Variants in SLC6A11 observed in about 807,000 individuals in gnomAD.
SLC6A11 encodes solute carrier family 6 member 11, also known as sodium- and chloride-dependent GABA transporter 3.
In SLC6A11, 25 loss-of-function variants were observed where a neutral mutation model predicts 74.8. The observed-to-expected ratio is 0.33, with a 90% CI of 0.24 to 0.47. The LOEUF (loss-of-function observed/expected upper bound fraction) is 0.47. SLC6A11 is among the 20% of genes least tolerant of loss of function. SLC6A11 has a pLI of 1.00. For missense variants in SLC6A11, 574 were observed against 837.0 expected, an observed-to-expected ratio of 0.69 and a Z score of 3.88; for synonymous variants, 330 against 330.2, an observed-to-expected ratio of 1.00 and a Z score of 0.01.
At chr3:10,845,566 A>G (rs1405144091) in intron 5 of SLC6A11, among the ~76,000 whole-genome samples, 1 of 152,178 alleles carries the variant, frequency 6.6e-6, no homozygotes, top group Non-Finnish European at 1.5e-5. Context: ...CTTTTCCAAA[A>G]GATGTTCCCC....
intron 6 of SLC6A11, among the ~76,000 whole-genome samples, chr3:10,905,434 CACTT>C (rs1188142618): frequency 2.6e-5 from 4 of 152,224 alleles, no homozygotes; most frequent in Admixed American, 2.6e-4. Flanking sequence ...AAAGGAAAAA[CACTT>C]AATATCACAA....
In SLC6A11 at chr3:10,816,346, C is replaced by T. The variant is rs765166222; in HGVS notation, c.81C>T (p.Gly27=). Residue 27 remains glycine, a synonymous_variant, in exon 1 of 14, where the codon GGC becomes GGT. Coordinates refer to ENST00000254488, the MANE Select transcript of SLC6A11 (RefSeq NM_014229.3). This position sits in a 1 kb window ranked among gnomAD's most constrained non-coding sequence, Gnocchi z 4.2. Reference sequence around the variant, plus strand: ...GGGAGTCCGAGGCGCCGGGTGGCGGCTGCAGCAGCGGGGGCGCGGCGCCCG... The same window carrying T: ...GGGAGTCCGAGGCGCCGGGTGGCGGTTGCAGCAGCGGGGGCGCGGCGCCCG... ...EARESEAPGG[G]CSSGGAAPAR... 137 of 1,441,304 alleles carry T rather than the reference C, an allele frequency of 9.5e-5. 1 individual carries two copies. The East Asian group carries it at 3.9e-3, about 41-fold the overall frequency. 89.3% of individuals were successfully genotyped at this position (1,441,304 alleles called of 1,614,324 possible).
At chr3:10,902,603 T>C (rs917781651) in intron 6 of SLC6A11, among the ~76,000 whole-genome samples, 3 of 152,240 alleles carry the variant, frequency 2.0e-5, no homozygotes, top group African/African-American at 7.2e-5. Context: ...AGAGGTGAAG[T>C]AATTTGCCCA....
At chr3:10,895,788 G>C (rs1246035457) in intron 6 of SLC6A11, among the ~76,000 whole-genome samples, 1 of 152,138 alleles carries the variant, frequency 6.6e-6, no homozygotes, top group Admixed American at 6.5e-5. Context: ...GCTTCTCAAA[G>C]GTCGAGAGAG....
At chr3:10,927,762 G>A (rs375186044) in intron 9 of SLC6A11, among the ~76,000 whole-genome samples, 8 of 152,204 alleles carry the variant, frequency 5.3e-5, no homozygotes, top group South Asian at 2.1e-4. Context: ...TAGTCACCTC[G>A]CCTCTCTGTG....
intron 4 of SLC6A11, among the ~76,000 whole-genome samples, chr3:10,828,114 A>G (rs1224991528): frequency 1.3e-5 from 2 of 152,198 alleles, no homozygotes; most frequent in African/African-American, 4.8e-5. Flanking sequence ...GTGGGATTGA[A>G]TGCTATTAAG....
At chr3:10,876,138 G>T (rs1694904787) in intron 6 of SLC6A11, among the ~76,000 whole-genome samples, 1 of 152,202 alleles carries the variant, frequency 6.6e-6, no homozygotes, top group Non-Finnish European at 1.5e-5. Context: ...GCTTGTGGGG[G>T]AAGCGTTTGT....
chr3:10,883,734 G>A (rs1325098616), intron 6 of SLC6A11, among the ~76,000 whole-genome samples: 1 of 152,078 alleles, frequency 6.6e-6, no homozygotes, highest in East Asian at 1.9e-4. Flanking sequence ...TCTAAGCAAG[G>A]ACCCAAAGAA....
intron 10 of SLC6A11, among the ~76,000 whole-genome samples, chr3:10,932,028 T>C (rs1224546862): frequency 6.8e-6 from 1 of 146,882 alleles, no homozygotes; most frequent in Non-Finnish European, 1.5e-5. Context: ...CCACCCCACC[T>C]GATCCTTCCT....
chr3:10,895,883 TA>T (rs993198848), intron 6 of SLC6A11, among the ~76,000 whole-genome samples: 1 of 151,958 alleles, frequency 6.6e-6, no homozygotes, highest in African/African-American at 2.4e-5. Context: ...GGCACACATT[TA>T]TTTTTTTAGG....
At chr3:10,870,432 G>GGTTCTGA (rs1307301530) in intron 5 of SLC6A11, among the ~76,000 whole-genome samples, 1 of 152,194 alleles carries the variant, frequency 6.6e-6, no homozygotes, top group Non-Finnish European at 1.5e-5. Context: ...CTGTGCGGAG[G>GGTTCTGA]GTTCTGAGGC....
At chr3:10,885,039 C>T (rs113090523) in intron 6 of SLC6A11, among the ~76,000 whole-genome samples, 76 of 152,308 alleles carry the variant, frequency 5.0e-4, no homozygotes, top group African/African-American at 1.7e-3. Context: ...CAAATCACCT[C>T]CAAGGTGGGC....
At chr3:10,936,135 GTGTT>G in intron 13 of SLC6A11, among the ~76,000 whole-genome samples, 1 of 152,332 alleles carries the variant, frequency 6.6e-6, no homozygotes, top group Non-Finnish European at 1.5e-5. Flanking sequence ...ACAGCACAGG[GTGTT>G]TGTTGTGTGC....
intron 5 of SLC6A11, among the ~76,000 whole-genome samples, chr3:10,857,544 T>C (rs1237508108): frequency 3.9e-5 from 6 of 152,180 alleles, no homozygotes; most frequent in Non-Finnish European, 7.3e-5. Flanking sequence ...GTGAGAACAC[T>C]GGAGCAGACG....
chr3:10,868,823 C>A (rs911430973), intron 5 of SLC6A11, among the ~76,000 whole-genome samples: 34 of 152,238 alleles, frequency 2.2e-4, no homozygotes, highest in African/African-American at 7.7e-4. Flanking sequence ...GAAAGGGACA[C>A]TTTGTTAGGA....
chr3:10,912,303 T>G (rs1483215910), intron 7 of SLC6A11, 110 bp downstream of exon 7: 5 of 752,652 alleles, frequency 6.6e-6, no homozygotes, highest in Non-Finnish European at 1.2e-5. Context: ...CAGGAGGAGA[T>G]AGATAGGCTG....
chr3:10,916,852 G>A (rs1695462945), intron 7 of SLC6A11, among the ~76,000 whole-genome samples: 1 of 152,176 alleles, frequency 6.6e-6, no homozygotes, highest in East Asian at 1.9e-4. Context: ...ATTGCAGGGA[G>A]AATTGGAACC....
rs1471672991 is a variant in SLC6A11 at position 10,938,984 on chromosome 3, C to T, written c.*582C>T. The T allele has an allele frequency of 6.6e-6, 1 of 152,274 alleles. No homozygotes were observed. The highest frequency in any genetic ancestry group is 1.5e-5 in the Non-Finnish European group (1 of 68,078). 9.4% of individuals were successfully genotyped at this position (152,274 alleles called of 1,614,324 possible). On this transcript the variant is annotated 3_prime_UTR_variant, in exon 14 of 14. Coordinates refer to ENST00000254488, the MANE Select transcript of SLC6A11 (RefSeq NM_014229.3). ...CTCTGCCCTGATCCCATGAAGTGAC[C>T]TTGGGCACTCCCTTTCCCTCCCTGG...
At chr3:10,927,898 G>C (rs1246086896) in intron 9 of SLC6A11, among the ~76,000 whole-genome samples, 1 of 152,222 alleles carries the variant, frequency 6.6e-6, no homozygotes, top group Non-Finnish European at 1.5e-5. Flanking sequence ...AAGGTGGCTG[G>C]CAAAATAACC....
Sources: gnomAD v4.1 joint callset for allele counts (sites outside exome capture counted in the v4.1 genomes callset) on GRCh38, gnomAD v4.1.1 for gene constraint, Gnocchi (gnomAD v3.1) non-coding constraint, MANE v1.5 for transcripts, NCBI Gene and HGNC (gene_info 2026-07-23, HGNC 2026-07-21) for gene names.